EML6: variants seen among roughly 807,000 people sequenced by gnomAD.
EML6 encodes the protein EMAP like 6.
EML6 carries 154 observed loss-of-function variants against 240.1 expected under a neutral mutation model. The ratio of observed to expected loss-of-function variants is 0.64; its 90% confidence interval spans 0.56 to 0.73. The LOEUF is 0.73. EML6 is among the 30% of genes least tolerant of loss of function. EML6 has a pLI of 0.00. For missense variants in EML6, 2,964 were observed against 2,474.6 expected (o/e 1.20, Z -4.20); for synonymous variants, 1,148 against 899.0 (o/e 1.28, Z -4.95).
At chr2:54,820,189 A>T (rs1323235068) in intron 4 of EML6, among the ~76,000 whole-genome samples, 2 of 152,118 alleles carry the variant, frequency 1.3e-5, no homozygotes, top group East Asian at 3.8e-4. Flanking sequence ...TTCTCTCTCT[A>T]CTCAGGCCTT....
chr2:54,908,751 C>T (rs1273135981), intron 24 of EML6, among the ~76,000 whole-genome samples: 1 of 152,170 alleles, frequency 6.6e-6, no homozygotes, highest in Non-Finnish European at 1.5e-5. Flanking sequence ...GCCCAAAGTC[C>T]ACATCTCATC....
At chr2:54,965,043 G>A (rs750981922) in intron 38 of EML6, among the ~76,000 whole-genome samples, 1 of 152,116 alleles carries the variant, frequency 6.6e-6, no homozygotes, top group Non-Finnish European at 1.5e-5. Flanking sequence ...AGTTTTCTGG[G>A]GCTACACCTA....
intron 26 of EML6, among the ~76,000 whole-genome samples, chr2:54,927,685 C>T (rs1244241420): frequency 6.6e-6 from 1 of 152,192 alleles, no homozygotes; most frequent in Admixed American, 6.5e-5. Context: ...GGCCTGGGCA[C>T]ACCACTCCAA....
At chr2:54,792,162 A>T (rs960308280) in intron 2 of EML6, among the ~76,000 whole-genome samples, 63 of 152,294 alleles carry the variant, frequency 4.1e-4, no homozygotes, top group Non-Finnish European at 7.2e-4. Flanking sequence ...ATTCATCTTA[A>T]AGCCATATAT....
chr2:54,898,970 T>C (rs1322409312), intron 21 of EML6, among the ~76,000 whole-genome samples: 2 of 152,220 alleles, frequency 1.3e-5, no homozygotes, highest in Non-Finnish European at 2.9e-5. Flanking sequence ...AAGATACAGA[T>C]ACATGGAATT....
chr2:54,869,172 G>A lies in EML6; in HGVS notation c.2052-9G>A, dbSNP rs941610549. On this transcript the variant is annotated splice_polypyrimidine_tract_variant and intron_variant, in intron 14 of 41. Transcript: ENST00000356458. ...CAACCACTATGCATTTCTTGGACCT[G>A]TGCTTCAGTTATAGAGGCTACGACT... 1.9e-6 allele frequency: 3 copies of A among 1,540,874 alleles called. No individual in the cohort carries two copies. Among genetic ancestry groups the A allele is most frequent in the Non-Finnish European group, 2.6e-6 (3 of 1,138,836 alleles).
chr2:54,796,164 A>G (rs568949527), intron 2 of EML6, among the ~76,000 whole-genome samples: 43 of 152,364 alleles, frequency 2.8e-4, no homozygotes, highest in African/African-American at 9.9e-4. Context: ...TAAAATCCCA[A>G]GATATCATAT....
chr2:54,808,021 G>C (rs556897073), intron 2 of EML6, among the ~76,000 whole-genome samples: 3 of 152,326 alleles, frequency 2.0e-5, no homozygotes, highest in African/African-American at 7.2e-5. Flanking sequence ...GCTTGTTAAA[G>C]TCCAGTTTTA....
intron 2 of EML6, among the ~76,000 whole-genome samples, chr2:54,727,922 T>C (rs1369511992): frequency 1.3e-5 from 2 of 152,180 alleles, no homozygotes; most frequent in South Asian, 2.1e-4. Flanking sequence ...CTAATAATAA[T>C]GTAGGTTTTG....
At chr2:54,753,373 C>A (rs990274307) in intron 2 of EML6, among the ~76,000 whole-genome samples, 5 of 152,112 alleles carry the variant, frequency 3.3e-5, no homozygotes, top group African/African-American at 1.2e-4. Flanking sequence ...GGGACTTTAT[C>A]AATGTAATTA....
intron 2 of EML6, among the ~76,000 whole-genome samples, chr2:54,777,738 A>G (rs1346144090): frequency 1.3e-5 from 2 of 152,128 alleles, no homozygotes; most frequent in African/African-American, 4.8e-5. Flanking sequence ...AGCCCTTTCC[A>G]TGGCTGGGTA....
intron 25 of EML6, among the ~76,000 whole-genome samples, chr2:54,913,375 G>GT (rs1452738284): frequency 6.6e-6 from 1 of 151,804 alleles, no homozygotes; most frequent in African/African-American, 2.4e-5. Context: ...AGTCTCCCGA[G>GT]TAGCTGGGAC....
chr2:54,783,067 G>A (rs1668920821), intron 2 of EML6, among the ~76,000 whole-genome samples: 1 of 152,146 alleles, frequency 6.6e-6, no homozygotes, highest in African/African-American at 2.4e-5. Flanking sequence ...TGGTAGGGAA[G>A]TTAATATAGG....
chr2:54,762,421 A>G (rs529486503), intron 2 of EML6, among the ~76,000 whole-genome samples: 3 of 152,272 alleles, frequency 2.0e-5, no homozygotes, highest in South Asian at 2.1e-4. Context: ...TTTCTCTATC[A>G]TATAGTTACT....
rs368698873 is a variant in EML6, at chr2:54,970,110, C to T, written c.*15C>T. On this transcript the variant is annotated 3_prime_UTR_variant, in exon 42 of 42. Coordinates refer to ENST00000356458, the MANE Select transcript of EML6 (RefSeq NM_001039753.4). Reference sequence around the variant, plus strand: ...GATGTCTGTAAAATGCCAGAAGCCTCTTATGTTATTGCTGCTGCTGCTACC... The same window carrying T: ...GATGTCTGTAAAATGCCAGAAGCCTTTTATGTTATTGCTGCTGCTGCTACC... 6.4e-7 allele frequency: 1 copy of T among 1,551,626 alleles called. No homozygotes were observed. The highest frequency in any genetic ancestry group is 2.4e-5 in the East Asian group (1 of 40,922).
intron 17 of EML6, among the ~76,000 whole-genome samples, chr2:54,884,780 A>G (rs1174677517): frequency 6.6e-6 from 1 of 152,224 alleles, no homozygotes; most frequent in Non-Finnish European, 1.5e-5. Context: ...TATCTCTAGG[A>G]AATATAATTT....
chr2:54,964,664 T>C lies in EML6; in HGVS notation c.5424T>C (p.Ile1808=). The C allele has an allele frequency of 6.4e-7, 1 of 1,552,366 alleles. No individual in the cohort carries two copies. Among genetic ancestry groups the C allele is most frequent in the South Asian group, 1.2e-5 (1 of 84,064 alleles). ...DLTQGTNLNR[I]GYCKDIPSFV... The stretch of plus-strand genomic sequence containing the variant: ...CTCAGGGCACAAATCTGAACCGCAT[T>C]GGCTACTGCAAAGATATCCCAAGCT... The change falls in exon 38 of 42, where the codon ATT becomes ATC. Residue 1808 remains isoleucine (I), a synonymous_variant. Coordinates refer to ENST00000356458, the MANE Select transcript of EML6 (RefSeq NM_001039753.4).
intron 17 of EML6, chr2:54,879,888 T>G (rs1295644300): frequency 4.1e-6 from 2 of 489,830 alleles, no homozygotes; most frequent in Non-Finnish European, 7.3e-6. Flanking sequence ...CGCTTCATTT[T>G]GAGTGGTCTG....
In EML6 at chr2:54,774,308, C is replaced by G. The variant is rs1312946169; in HGVS notation, c.198-38924C>G. ...GAGGGCAGAGAGAGAAGTCAGGATA[C>G]TATGCAGGCTCCACAGGATGGTCAG... On this transcript the variant is annotated intron_variant, in intron 2 of 41. Transcript: ENST00000356458. The surrounding 1 kb of genome is among the most constrained non-coding windows in gnomAD (Gnocchi z 4.1). Among the ~76,000 whole-genome samples, 4 of 152,148 alleles carry G rather than the reference C, an allele frequency of 2.6e-5. No individual in the cohort carries two copies. The highest frequency in any genetic ancestry group is 4.4e-5 in the Non-Finnish European group (3 of 68,026).
Sources: gnomAD v4.1 joint callset for allele counts (sites outside exome capture counted in the v4.1 genomes callset) on GRCh38, gnomAD v4.1.1 for gene constraint, Gnocchi (gnomAD v3.1) non-coding constraint, MANE v1.5 for transcripts, NCBI Gene and HGNC (gene_info 2026-07-23, HGNC 2026-07-21) for gene names.